The following CDH8 variants were observed in gnomAD, a reference collection of about 807,000 sequenced individuals.
The protein encoded by CDH8 is cadherin 8.
In CDH8, 17 loss-of-function variants were observed where a neutral mutation model predicts 68.1. That is an observed-to-expected ratio of 0.25 (90% confidence interval 0.17 to 0.37). The LOEUF (loss-of-function observed/expected upper bound fraction) is 0.37, where lower values mean the gene tolerates loss of function less well. CDH8 is among the 10% of genes least tolerant of loss of function. The pLI, the probability that CDH8 is intolerant of heterozygous loss-of-function variation, is 1.00. For missense variants in CDH8, 763 were observed against 999.3 expected, an observed-to-expected ratio of 0.76 and a Z score of 3.19; for synonymous variants, 372 against 365.1, an observed-to-expected ratio of 1.02 and a Z score of -0.21.
At chr16:61,769,430 A>G (rs1014878161) in intron 8 of CDH8, among the ~76,000 whole-genome samples, 3 of 151,986 alleles carry the variant, frequency 2.0e-5, no homozygotes, top group African/African-American at 7.2e-5. Flanking sequence ...TTTGACTAAC[A>G]TTGCATAACT....
intron 10 of CDH8, among the ~76,000 whole-genome samples, chr16:61,685,478 G>A (rs1398517839): frequency 6.6e-6 from 1 of 151,948 alleles, no homozygotes; most frequent in African/African-American, 2.4e-5. Context: ...CCCTGAGATG[G>A]TGATGACTAT....
At chr16:61,766,579 C>A (rs977941592) in intron 8 of CDH8, among the ~76,000 whole-genome samples, 2 of 151,954 alleles carry the variant, frequency 1.3e-5, no homozygotes, top group African/African-American at 4.8e-5. Flanking sequence ...TTTCCATAGA[C>A]GTTATACTAG....
At chr16:61,993,231 C>T (rs899719965) in intron 2 of CDH8, among the ~76,000 whole-genome samples, 17 of 152,192 alleles carry the variant, frequency 1.1e-4, no homozygotes, top group Non-Finnish European at 2.4e-4. Context: ...ACCATTATCT[C>T]TAACTTTAAT....
intron 2 of CDH8, among the ~76,000 whole-genome samples, chr16:61,947,411 C>T (rs1419414430): frequency 6.6e-6 from 1 of 152,168 alleles, no homozygotes; most frequent in Non-Finnish European, 1.5e-5. Flanking sequence ...CACATGGATT[C>T]ATCAAACCTG....
intron 8 of CDH8, among the ~76,000 whole-genome samples, chr16:61,785,085 A>G (rs952675574): frequency 1.4e-5 from 2 of 144,074 alleles, no homozygotes; most frequent in African/African-American, 5.2e-5. Flanking sequence ...AATAACTAAA[A>G]TCAGAGCAGA....
intron 2 of CDH8, among the ~76,000 whole-genome samples, chr16:61,979,562 A>G (rs951035917): frequency 2.6e-5 from 4 of 152,156 alleles, no homozygotes; most frequent in African/African-American, 9.7e-5. Context: ...AACCAAATGT[A>G]ATAGGCACAG....
chr16:61,889,392 T>C (rs547495462), intron 3 of CDH8, among the ~76,000 whole-genome samples: 1 of 152,176 alleles, frequency 6.6e-6, no homozygotes, highest in East Asian at 1.9e-4. Flanking sequence ...CCATGACACA[T>C]GAATGTCAAA....
intron 8 of CDH8, among the ~76,000 whole-genome samples, chr16:61,758,935 C>G (rs1960391538): frequency 6.6e-6 from 1 of 152,086 alleles, no homozygotes; most frequent in Non-Finnish European, 1.5e-5. Flanking sequence ...TGTGAAAAAT[C>G]TGACTTTGGT....
At chr16:62,005,440 A>G (rs1965958762) in intron 2 of CDH8, among the ~76,000 whole-genome samples, 1 of 152,166 alleles carries the variant, frequency 6.6e-6, no homozygotes, top group South Asian at 2.1e-4. Flanking sequence ...ATCTCATTCA[A>G]TAATATGCCC....
chr16:61,650,076 A>G lies in CDH8; in HGVS notation c.*3532T>C, dbSNP rs1963287386. 1 of 152,142 alleles carries G rather than the reference A, an allele frequency of 6.6e-6. No homozygotes were observed. Among genetic ancestry groups the G allele is most frequent in the Non-Finnish European group, 1.5e-5 (1 of 68,016 alleles). 9.4% of individuals were successfully genotyped at this position (152,142 alleles called of 1,614,324 possible). ...TCAAAACAGTTTCACTTTAAAGTTT[A>G]CACCCTAGAAGTCATAATTCTGTGT... is the stretch of plus-strand genomic sequence containing the variant. On this transcript the variant is annotated 3_prime_UTR_variant, in exon 12 of 12. Coordinates refer to ENST00000577390, the MANE Select transcript of CDH8 (RefSeq NM_001796.5).
chr16:61,656,461 G>A (rs909671490), intron 10 of CDH8, among the ~76,000 whole-genome samples: 2 of 152,088 alleles, frequency 1.3e-5, no homozygotes, highest in African/African-American at 4.8e-5. Flanking sequence ...TTAAAAGATA[G>A]ACTGTATGAC....
chr16:61,964,295 T>C (rs1208190213), intron 2 of CDH8, among the ~76,000 whole-genome samples: 3 of 152,214 alleles, frequency 2.0e-5, no homozygotes, highest in South Asian at 4.1e-4. Context: ...GGGTTGAGGA[T>C]GGCAGGATTC....
intron 7 of CDH8, among the ~76,000 whole-genome samples, chr16:61,809,448 G>A (rs1042684435): frequency 3.9e-5 from 6 of 152,040 alleles, no homozygotes; most frequent in Non-Finnish European, 8.8e-5. Flanking sequence ...CAGGGGCAAG[G>A]GGAGGGAGAG....
Position 61,861,235 on chromosome 16 carries a change from G to A in CDH8, c.548-3997C>T, listed in dbSNP as rs189795542. Among the ~76,000 whole-genome samples, 333 of 152,268 alleles carry A rather than the reference G, an allele frequency of 2.2e-3. 1 individual carries two copies. Among genetic ancestry groups the A allele is most frequent in the African/African-American group, 7.7e-3 (318 of 41,560 alleles). ...TACAAAATAATAGTTAAAAATGCCT[G>A]TAGTGTGCACCAAACTTTTTAAAAT... On this transcript the variant is annotated intron_variant, in intron 3 of 11. Coordinates refer to ENST00000577390, the MANE Select transcript of CDH8 (RefSeq NM_001796.5).
chr16:61,949,801 G>A (rs1567540839), intron 2 of CDH8, among the ~76,000 whole-genome samples: 1 of 151,922 alleles, frequency 6.6e-6, no homozygotes, highest in Non-Finnish European at 1.5e-5. Context: ...GGGCAACATG[G>A]CAAAACCCCA....
rs1424235110 is a variant in CDH8 at position 61,994,735 on chromosome 16, CCCACTGTA to C, written c.252+26409_252+26416del. On this transcript the variant is annotated intron_variant, in intron 2 of 11. Transcript: ENST00000577390. ...CTGAATCAGAAACTCTGAAGTCAGG[CCCACTGTA>C]CCTGCTTTAACAAATCCTCCTACAT... Among the ~76,000 whole-genome samples, 13 of 123,494 alleles carry C rather than the reference CCCACTGTA, an allele frequency of 1.1e-4. No homozygotes were observed. The East Asian group carries it at 3.4e-3, about 33-fold the overall frequency. 81.0% of individuals were successfully genotyped at this position (123,494 alleles called of 152,430 possible).
At chr16:61,975,672 A>C (rs1296697098) in intron 2 of CDH8, among the ~76,000 whole-genome samples, 2 of 152,338 alleles carry the variant, frequency 1.3e-5, no homozygotes, top group East Asian at 3.9e-4. Context: ...TAAATAACTG[A>C]ATTCACACAT....
intron 9 of CDH8, among the ~76,000 whole-genome samples, chr16:61,715,348 G>A (rs76586469): frequency 0.032 from 4,826 of 151,664 alleles, 353 homozygotes; most frequent in East Asian, 0.24. Context: ...TAAGATAAAA[G>A]TCACAGCTCT....
In CDH8 at chr16:61,706,620, C is replaced by CAAAAAAAAAAAAAAAAA. The variant is rs781148249; in HGVS notation, c.1654+7204_1654+7220dup. ...TGGGCACCAGAGCAAGACTCTGTCT[C>CAAAAAAAAAAAAAAAAA]AAAAAAAAAAAAAAAAAAAAAAAAG... On this transcript the variant is annotated intron_variant, in intron 10 of 11. Coordinates refer to ENST00000577390, the MANE Select transcript of CDH8 (RefSeq NM_001796.5). Among the ~76,000 whole-genome samples the CAAAAAAAAAAAAAAAAA allele has an allele frequency of 1.3e-3, 76 of 60,374 alleles. 3 individuals are homozygous for CAAAAAAAAAAAAAAAAA. Among genetic ancestry groups the CAAAAAAAAAAAAAAAAA allele is most frequent in the African/African-American group, 2.2e-3 (31 of 14,318 alleles). 39.6% of individuals were successfully genotyped at this position (60,374 alleles called of 152,430 possible). A position where few individuals can be genotyped will look rare whatever the true frequency, so the allele number is the denominator to read the frequency against.
Sources: allele counts gnomAD v4.1 joint callset (sites outside exome capture counted in the v4.1 genomes callset), GRCh38; gene constraint gnomAD v4.1.1; transcripts MANE v1.5; gene names NCBI Gene and HGNC (gene_info 2026-07-23, HGNC 2026-07-21).